The following ALPL variants were observed in gnomAD, a reference collection of about 807,000 sequenced individuals.
ALPL encodes the protein alkaline phosphatase, biomineralization associated.
Under a neutral mutation model 51.3 loss-of-function variants are expected in ALPL, and 42 were observed. The observed-to-expected ratio is 0.82, with a 90% CI of 0.64 to 1.06. The LOEUF (loss-of-function observed/expected upper bound fraction) is 1.06, where lower values mean the gene tolerates loss of function less well. Ranked by LOEUF, ALPL falls within the 50% of genes least tolerant of loss-of-function variation. The pLI is 0.00. For missense variants in ALPL, 589 were observed against 709.4 expected, an observed-to-expected ratio of 0.83 and a Z score of 1.93; for synonymous variants, 279 against 296.4, an observed-to-expected ratio of 0.94 and a Z score of 0.60.
At chr1:21,538,477 C>T (rs1420856889) in intron 1 of ALPL, among the ~76,000 whole-genome samples, 13 of 152,210 alleles carry the variant, frequency 8.5e-5, no homozygotes, top group Non-Finnish European at 1.6e-4. Context: ...CTGATCTGAG[C>T]CCTCTGCGCC....
intron 1 of ALPL, among the ~76,000 whole-genome samples, chr1:21,548,364 G>C (rs1461194087): frequency 6.6e-6 from 1 of 152,248 alleles, no homozygotes; most frequent in African/African-American, 2.4e-5. Context: ...GGCTATGGGA[G>C]AAGGCACCTG....
intron 1 of ALPL, among the ~76,000 whole-genome samples, chr1:21,520,466 C>CTTTTTT (rs35922763): frequency 1.8e-5 from 2 of 111,460 alleles, no homozygotes; most frequent in African/African-American, 3.6e-5. Context: ...TCTTTTTTCT[C>CTTTTTT]TTTTTTTTTT....
intron 1 of ALPL, among the ~76,000 whole-genome samples, chr1:21,552,479 CAAA>C (rs34760747): frequency 4.9e-5 from 6 of 123,502 alleles, no homozygotes; most frequent in African/African-American, 6.0e-5. Context: ...AACTCCGTCT[CAAA>C]AAAAAAAAAA....
intron 9 of ALPL, 200 bp downstream of exon 9, chr1:21,573,999 A>G (rs1449706291): frequency 1.0e-6 from 1 of 985,278 alleles, no homozygotes; most frequent in African/African-American, 1.7e-5. Context: ...GGGCATGGAG[A>G]TGCAAGTTAG....
intron 1 of ALPL, among the ~76,000 whole-genome samples, chr1:21,534,682 G>A (rs2148097581): frequency 6.6e-6 from 1 of 152,308 alleles, no homozygotes; most frequent in East Asian, 1.9e-4. Flanking sequence ...CTCTGCAAAA[G>A]GGCTGCTAGT....
intron 6 of ALPL, among the ~76,000 whole-genome samples, 165 bp from the exon 7 acceptor site, chr1:21,567,939 C>T (rs1020856289): frequency 1.3e-5 from 2 of 152,116 alleles, no homozygotes; most frequent in African/African-American, 4.8e-5. Context: ...CATCTCCCCA[C>T]GCTGGACAAG....
In ALPL at chr1:21,560,691, C is replaced by T. The variant is rs148357203; in HGVS notation, c.127C>T (p.Leu43Phe). The change falls in exon 3 of 12, where the codon CTT (leucine) becomes TTT (phenylalanine). Residue 43 changes from leucine to phenylalanine, a missense_variant. Transcript: ENST00000374840. ...AGAGACACTGAAATATGCCCTGGAGCTTCAGAAGCTCAACACCAACGTGGC... is the reference window on the plus strand; with the variant it reads ...AGAGACACTGAAATATGCCCTGGAGTTTCAGAAGCTCAACACCAACGTGGC... ...AQETLKYALE[L>F]QKLNTNVAKN... The T allele has an allele frequency of 5.6e-6, 9 of 1,614,034 alleles. No homozygotes were observed. Among genetic ancestry groups the T allele is most frequent in the Non-Finnish European group, 7.6e-6 (9 of 1,180,028 alleles).
In ALPL at chr1:21,570,433, G is replaced by T; in HGVS notation, c.862+59G>T. 1.3e-5 allele frequency: 20 copies of T among 1,551,088 alleles called. No individual in the cohort carries two copies. Among genetic ancestry groups the T allele is most frequent in the Non-Finnish European group, 1.4e-5 (16 of 1,126,608 alleles). ...CTCGGAGCCTGGTGGCCGGAGCTGCGTGTGGCCAGCACCTGGGGACAAGGC... is the reference window on the plus strand; with the variant it reads ...CTCGGAGCCTGGTGGCCGGAGCTGCTTGTGGCCAGCACCTGGGGACAAGGC... On this transcript the variant is annotated intron_variant, in intron 8 of 11. Transcript: ENST00000374840.
chr1:21,545,436 G>A (rs1031801951), intron 1 of ALPL, among the ~76,000 whole-genome samples: 2 of 151,980 alleles, frequency 1.3e-5, no homozygotes, highest in African/African-American at 4.8e-5. Flanking sequence ...GATTACAGGC[G>A]CCTGCCACCA....
chr1:21,515,361 G>A (rs1056898867), intron 1 of ALPL, among the ~76,000 whole-genome samples: 1 of 152,028 alleles, frequency 6.6e-6, no homozygotes, highest in Non-Finnish European at 1.5e-5. Flanking sequence ...ATTGTGCCTG[G>A]CCCACAAGTG....
intron 5 of ALPL, among the ~76,000 whole-genome samples, chr1:21,563,800 G>T (rs935170031): frequency 1.3e-5 from 2 of 152,182 alleles, no homozygotes; most frequent in African/African-American, 4.8e-5. Flanking sequence ...CAGCCCAGGT[G>T]CTCACATCTC....
At chr1:21,576,451 C>CCA in intron 10 of ALPL, 71 bp from the exon 11 acceptor site, 4 of 1,585,530 alleles carry the variant, frequency 2.5e-6, no homozygotes, top group Non-Finnish European at 3.4e-6. Flanking sequence ...CACCAAGGAG[C>CCA]CTAATCTGGG....
At chr1:21,528,516 T>C (rs2148082017) in intron 1 of ALPL, among the ~76,000 whole-genome samples, 1 of 151,170 alleles carries the variant, frequency 6.6e-6, no homozygotes, top group Admixed American at 6.6e-5. Context: ...CCTGGCTAAT[T>C]TTTTTTTGTA....
At chr1:21,535,260 G>A (rs1644083213) in intron 1 of ALPL, among the ~76,000 whole-genome samples, 1 of 152,192 alleles carries the variant, frequency 6.6e-6, no homozygotes, top group African/African-American at 2.4e-5. Context: ...TTTGGGGTCT[G>A]GATTTCAGGG....
intron 4 of ALPL, among the ~76,000 whole-genome samples, chr1:21,562,762 C>T (rs1644502261): frequency 6.6e-6 from 1 of 151,820 alleles, no homozygotes; most frequent in Non-Finnish European, 1.5e-5. Flanking sequence ...CTCCCTTCTC[C>T]AGGACTCCCC....
chr1:21,561,895 G>A (rs1430135005), intron 4 of ALPL, among the ~76,000 whole-genome samples: 1 of 152,026 alleles, frequency 6.6e-6, no homozygotes, highest in Non-Finnish European at 1.5e-5. Context: ...TCGAACTCCT[G>A]ACCCCAGGTG....
intron 1 of ALPL, among the ~76,000 whole-genome samples, chr1:21,525,862 C>T (rs1404404679): frequency 1.3e-5 from 2 of 152,098 alleles, no homozygotes; most frequent in Non-Finnish European, 2.9e-5. Context: ...GTGGCGCGTG[C>T]CTGTAATCCC....
rs1008596673 is a variant in ALPL, at chr1:21,576,460, G to A, written c.1190-62G>A. 3.1e-6 allele frequency: 5 copies of A among 1,594,048 alleles called. No individual in the cohort carries two copies. The East Asian group carries it at 9.0e-5, about 29-fold the overall frequency. On this transcript the variant is annotated intron_variant, in intron 10 of 11. Coordinates refer to ENST00000374840, the MANE Select transcript of ALPL (RefSeq NM_000478.6). ...CCAAGCCACCAAGGAGCCTAATCTG[G>A]GGGCTGGGGACTGTACTCCTGGGGC...
intron 8 of ALPL, 44 bp from the exon 9 acceptor site, chr1:21,573,621 G>T (rs747725325): frequency 6.2e-7 from 1 of 1,610,176 alleles, no homozygotes; most frequent in South Asian, 1.1e-5. Context: ...TCCTAGCCGG[G>T]TCACAGCCTC....
Sources: allele counts gnomAD v4.1 joint callset (sites outside exome capture counted in the v4.1 genomes callset), GRCh38; gene constraint gnomAD v4.1.1; transcripts MANE v1.5; gene names NCBI Gene and HGNC (gene_info 2026-07-23, HGNC 2026-07-21).